The following PCDHA4 variants were observed in gnomAD, a reference collection of about 807,000 sequenced individuals.
PCDHA4 encodes protocadherin alpha 4.
A neutral mutation model predicts 61.4 loss-of-function variants in PCDHA4; 49 were observed. That is an observed-to-expected ratio of 0.80 (90% confidence interval 0.63 to 1.01). The LOEUF is 1.01. PCDHA4 is among the 50% of genes least tolerant of loss of function. The pLI, the probability that PCDHA4 is intolerant of heterozygous loss-of-function variation, is 0.00. For missense variants in PCDHA4, 1,254 were observed against 1,235.8 expected (o/e 1.01, Z -0.22); for synonymous variants, 590 against 550.3 (o/e 1.07, Z -1.01).
In PCDHA4 at chr5:140,871,203, C is replaced by A. The variant is rs369236762; in HGVS notation, c.2385+61631C>A. On this transcript the variant is annotated intron_variant, in intron 1 of 3. Transcript: ENST00000530339. ...TGGTGGATGTCAACGTGTACCTGAT[C>A]ATCGCCATCTGCGTGGTGTCCAGCC... The A allele has an allele frequency of 6.3e-5, 101 of 1,613,744 alleles. No homozygotes were observed. The African/African-American group carries it at 1.3e-3, about 21-fold the overall frequency.
In PCDHA4 at chr5:140,808,738, G is replaced by C. The variant is rs571920804; in HGVS notation, c.1551G>C (p.Val517=). 6.2e-7 allele frequency: 1 copy of C among 1,612,030 alleles called. No homozygotes were observed. The highest frequency in any genetic ancestry group is 1.3e-5 in the African/African-American group (1 of 74,878). ...YVSVHAESGK[V]YALQPLDHEE... ...CGGTGCATGCGGAGAGCGGCAAGGT[G>C]TACGCGCTGCAGCCGCTGGACCACG... Residue 517 remains valine (V), a synonymous_variant, in exon 1 of 4, where the codon GTG becomes GTC. Coordinates refer to ENST00000530339, the MANE Select transcript of PCDHA4 (RefSeq NM_018907.4).
In PCDHA4 at chr5:141,010,472, A is replaced by G. The variant is rs2098417397; in HGVS notation, c.*535A>G. ...AGCGGAAGTTATCAGTATGGAGGGG[A>G]AGTGTAAACTTAAAGGGACCAGACT... On this transcript the variant is annotated 3_prime_UTR_variant, in exon 4 of 4. Transcript: ENST00000530339. The G allele has an allele frequency of 1.3e-6, 1 of 762,088 alleles. No homozygotes were observed. Among genetic ancestry groups the G allele is most frequent in the African/African-American group, 1.8e-5 (1 of 56,688 alleles). 47.2% of individuals were successfully genotyped at this position (762,088 alleles called of 1,614,324 possible).
chr5:140,875,271 C>T, intron 1 of PCDHA4: 1 of 1,256,488 alleles, frequency 8.0e-7, no homozygotes, highest in Non-Finnish European at 1.1e-6. Flanking sequence ...GCTCTACACT[C>T]AGAAGGTGAA....
chr5:140,873,959 C>A (rs782271124), intron 1 of PCDHA4, among the ~76,000 whole-genome samples: 1 of 152,136 alleles, frequency 6.6e-6, no homozygotes, highest in Non-Finnish European at 1.5e-5. Context: ...CTGAGCCCAG[C>A]CTATTTTTTA....
chr5:140,807,094 TG>T lies in PCDHA4; in HGVS notation c.-92del. Reference sequence around the variant, plus strand: ...TATACACTCTTTGGAGTCTGAAATATGGAGGATGCAGCTGCACTTGACTGAC... The same window carrying T: ...TATACACTCTTTGGAGTCTGAAATATGAGGATGCAGCTGCACTTGACTGAC... On this transcript the variant is annotated 5_prime_UTR_variant, in exon 1 of 4. It removes the in-frame stop codon of an upstream open reading frame in the 5' UTR. Transcript: ENST00000530339. 1 of 1,376,078 alleles carries T rather than the reference TG, an allele frequency of 7.3e-7. No homozygotes were observed. Among genetic ancestry groups the T allele is most frequent in the Non-Finnish European group, 1.0e-6 (1 of 1,001,032 alleles). The allele number at this position is 1,376,078 out of a possible 1,614,324, so 85.2% of individuals were successfully genotyped here.
chr5:140,877,341 C>G, intron 1 of PCDHA4: 3 of 1,614,010 alleles, frequency 1.9e-6, no homozygotes, highest in South Asian at 2.2e-5. Flanking sequence ...TCCCGTTCCA[C>G]GTGGGGCTGT....
At chr5:140,967,046 C>G in intron 1 of PCDHA4, 1 of 1,612,334 alleles carries the variant, frequency 6.2e-7, no homozygotes, top group Non-Finnish European at 8.5e-7. Context: ...GGAGCTGGAC[C>G]TGACGAGTGG....
intron 1 of PCDHA4, among the ~76,000 whole-genome samples, chr5:140,976,501 A>G (rs568983330): frequency 6.6e-6 from 1 of 152,240 alleles, no homozygotes; most frequent in East Asian, 1.9e-4. Context: ...CAGGGAGCCA[A>G]GATCGCGCCA....
chr5:140,959,763 C>A (rs2095510059), intron 1 of PCDHA4, among the ~76,000 whole-genome samples: 2 of 152,170 alleles, frequency 1.3e-5, no homozygotes, highest in South Asian at 4.1e-4. Flanking sequence ...TTTTAATATT[C>A]AGTAAGAACA....
intron 1 of PCDHA4, among the ~76,000 whole-genome samples, chr5:140,921,048 T>C (rs1554200052): frequency 6.6e-6 from 1 of 152,052 alleles, no homozygotes; most frequent in African/African-American, 2.4e-5. Context: ...GGGGCAATCA[T>C]AGCTCACTCT....
chr5:140,967,299 G>T, intron 1 of PCDHA4: 3 of 1,612,674 alleles, frequency 1.9e-6, no homozygotes, highest in Non-Finnish European at 2.5e-6. Flanking sequence ...CCCGACGTGG[G>T]CGCCAACTCA....
chr5:140,809,511 G>A lies in PCDHA4; in HGVS notation c.2324G>A (p.Ser775Asn), dbSNP rs374214403. The change falls in exon 1 of 4, where the codon AGT (serine) becomes AAT (asparagine). Residue 775 changes from serine to asparagine, a missense_variant. Ser to Asn is a conservative substitution (Grantham distance 46). Coordinates refer to ENST00000530339, the MANE Select transcript of PCDHA4 (RefSeq NM_018907.4). ...PKTDLMAFSP[S>N]LPDSRDREDQ... ...ACCGACCTCATGGCCTTCAGCCCCA[G>A]TTTACCTGACTCTAGGGACAGAGAA... 1.3e-5 allele frequency: 21 copies of A among 1,614,228 alleles called. No individual in the cohort carries two copies. The African/African-American group carries it at 1.9e-4, about 14-fold the overall frequency.
At chr5:140,876,433 A>G (rs1562712994) in intron 1 of PCDHA4, 19 of 1,614,000 alleles carry the variant, frequency 1.2e-5, no homozygotes, top group Non-Finnish European at 1.6e-5. Flanking sequence ...AATTCAGGTT[A>G]ACGCCATTGA....
intron 1 of PCDHA4, among the ~76,000 whole-genome samples, chr5:140,879,977 C>T (rs1285167233): frequency 6.6e-6 from 1 of 152,174 alleles, no homozygotes; most frequent in African/African-American, 2.4e-5. Flanking sequence ...AAACTCCTTT[C>T]AAGATCCTTA....
chr5:140,935,734 C>G (rs1290620794), intron 1 of PCDHA4, among the ~76,000 whole-genome samples: 1 of 152,032 alleles, frequency 6.6e-6, no homozygotes, highest in East Asian at 1.9e-4. Flanking sequence ...AGTCTAGTAT[C>G]TATTATTCCA....
At chr5:140,962,203 C>T (rs1431150597) in intron 1 of PCDHA4, among the ~76,000 whole-genome samples, 1 of 152,086 alleles carries the variant, frequency 6.6e-6, no homozygotes, top group African/African-American at 2.4e-5. Flanking sequence ...CTTCCTATCT[C>T]CTTATTGATC....
rs139807581 is a variant in PCDHA4, at chr5:140,835,502, C to T, written c.2385+25930C>T. ...CAGGTACCGTCATCACATTGATTAG[C>T]GTGTTTGACCGAGATTTTGGAGTCA... is the stretch of plus-strand genomic sequence containing the variant. On this transcript the variant is annotated intron_variant, in intron 1 of 3. Transcript: ENST00000530339. 113 of 1,613,806 alleles carry T rather than the reference C, an allele frequency of 7.0e-5. 1 individual carries two copies. Among genetic ancestry groups the T allele is most frequent in the Non-Finnish European group, 8.7e-5 (103 of 1,179,880 alleles).
Position 140,892,397 on chromosome 5 carries a change from T to C in PCDHA4, c.2385+82825T>C, listed in dbSNP as rs554853881. On this transcript the variant is annotated intron_variant, in intron 1 of 3. Coordinates refer to ENST00000530339, the MANE Select transcript of PCDHA4 (RefSeq NM_018907.4). ...GCAATCATGGGTAATCTTAATCTAT[T>C]TCAAGCTTCAGGTATTCTAGATAAA... is the stretch of plus-strand genomic sequence containing the variant. Among the ~76,000 whole-genome samples the C allele has an allele frequency of 2.0e-5, 3 of 152,326 alleles. No homozygotes were observed. The South Asian group carries it at 6.2e-4, about 32-fold the overall frequency.
At chr5:140,856,737 T>C (rs369958206) in intron 1 of PCDHA4, 7 of 1,595,910 alleles carry the variant, frequency 4.4e-6, no homozygotes, top group African/African-American at 1.3e-5. Context: ...CTGCTGATCC[T>C]GGTGTTAGAT....
Sources: gnomAD v4.1 joint callset for allele counts (sites outside exome capture counted in the v4.1 genomes callset) on GRCh38, gnomAD v4.1.1 for gene constraint, MANE v1.5 for transcripts, NCBI Gene and HGNC (gene_info 2026-07-23, HGNC 2026-07-21) for gene names.